The following DYNLT5 variants were observed in gnomAD, a reference collection of about 807,000 sequenced individuals.
DYNLT5 encodes dynein light chain Tctex-type family member 5, also known as dynein light chain Tctex-type 5.
In DYNLT5, 25 loss-of-function variants were observed where a neutral mutation model predicts 19.3. That is an observed-to-expected ratio of 1.30 (90% CI 0.95 to 1.81). DYNLT5 has a LOEUF of 1.81. Among genes scored for constraint, DYNLT5 ranks in the 40% most tolerant of loss-of-function variants. The pLI is 0.00. For missense variants in DYNLT5, 232 were observed against 217.9 expected (o/e 1.06, Z -0.41); for synonymous variants, 82 against 68.9 (o/e 1.19, Z -0.94).
intron 2 of DYNLT5, among the ~76,000 whole-genome samples, chr1:66,759,941 C>G (rs1416529285): frequency 6.6e-6 from 1 of 152,146 alleles, no homozygotes; most frequent in Non-Finnish European, 1.5e-5. Flanking sequence ...CTACTTGTCT[C>G]TATGCATTTT....
chr1:66,754,153 A>G (rs1395480546), intron 1 of DYNLT5, among the ~76,000 whole-genome samples: 1 of 144,474 alleles, frequency 6.9e-6, no homozygotes, highest in African/African-American at 2.6e-5. Context: ...GTTGGGAGGA[A>G]CGCTTGAGCC....
chr1:66,770,433 G>C lies in DYNLT5; in HGVS notation c.166G>C (p.Asp56His), dbSNP rs1284817962. 6.2e-7 allele frequency: 1 copy of C among 1,613,576 alleles called. No individual in the cohort carries two copies. Among genetic ancestry groups the C allele is most frequent in the Non-Finnish European group, 8.5e-7 (1 of 1,179,690 alleles). ...TATGGAAGAACCCAGTCAGCGTGAT[G>C]ATATCTCTCGCCTTACAGTTCAGAT... ...SYMEEPSQRD[D>H]ISRLTVQMEN... Residue 56 changes from aspartate to histidine, a missense_variant, in exon 3 of 5, where the codon GAT (aspartate) becomes CAT (histidine). Asp to His is a moderately conservative substitution (Grantham distance 81). Transcript: ENST00000282670.
Position 66,778,825 on chromosome 1 carries a change from A to G in DYNLT5, c.*1371A>G, listed in dbSNP as rs1645253120. 6.6e-6 allele frequency: 1 copy of G among 151,878 alleles called. No individual in the cohort carries two copies. The highest frequency in any genetic ancestry group is 1.5e-5 in the Non-Finnish European group (1 of 67,986). 9.4% of individuals were successfully genotyped at this position (151,878 alleles called of 1,614,324 possible). A position where few individuals can be genotyped will look rare whatever the true frequency, so the allele number is the denominator to read the frequency against. The stretch of plus-strand genomic sequence containing the variant: ...TTCACTTTTTTTTTTCTGTTAGTGC[A>G]TTAGTGGGAATATGTCTATGTAATA... On this transcript the variant is annotated 3_prime_UTR_variant, in exon 5 of 5. Transcript: ENST00000282670.
intron 3 of DYNLT5, among the ~76,000 whole-genome samples, chr1:66,772,786 G>A (rs911096674): frequency 1.3e-5 from 2 of 152,084 alleles, no homozygotes; most frequent in East Asian, 1.9e-4. Context: ...GAATAGAAAA[G>A]GAAAGTGTGT....
At chr1:66,762,908 T>C (rs562726807) in intron 2 of DYNLT5, among the ~76,000 whole-genome samples, 13 of 152,300 alleles carry the variant, frequency 8.5e-5, no homozygotes, top group South Asian at 8.3e-4. Flanking sequence ...TTTGAGGCAA[T>C]GGATATCCCA....
In DYNLT5 at chr1:66,777,572, A is replaced by C. The variant is rs1032102279; in HGVS notation, c.*118A>C. 1.8e-5 allele frequency: 15 copies of C among 815,262 alleles called. No individual in the cohort carries two copies. In the Admixed American group the frequency reaches 4.0e-4, roughly 22 times the overall value. 50.5% of individuals were successfully genotyped at this position (815,262 alleles called of 1,614,324 possible). On this transcript the variant is annotated 3_prime_UTR_variant, in exon 5 of 5. Coordinates refer to ENST00000282670, the MANE Select transcript of DYNLT5 (RefSeq NM_152665.3). Reference sequence around the variant, plus strand: ...AGAAACAACACTGATATTTCAAGCAACTGGAAGCTTTTGAATTTTTTCATA... The same window carrying C: ...AGAAACAACACTGATATTTCAAGCACCTGGAAGCTTTTGAATTTTTTCATA...
intron 2 of DYNLT5, among the ~76,000 whole-genome samples, chr1:66,761,184 C>T (rs970189011): frequency 1.3e-5 from 2 of 152,052 alleles, no homozygotes; most frequent in African/African-American, 4.8e-5. Context: ...ATTTCCAGAC[C>T]ATTGCAATAA....
chr1:66,765,962 C>T (rs569517729), intron 2 of DYNLT5, among the ~76,000 whole-genome samples: 1 of 152,316 alleles, frequency 6.6e-6, no homozygotes, highest in East Asian at 1.9e-4. Flanking sequence ...AGCAATAGCA[C>T]ATGTGGTTTC....
chr1:66,761,544 G>A (rs764643751), intron 2 of DYNLT5, among the ~76,000 whole-genome samples: 1 of 152,128 alleles, frequency 6.6e-6, no homozygotes, highest in Non-Finnish European at 1.5e-5. Flanking sequence ...AACACTTTGG[G>A]GAGCCAAGGC....
At chr1:66,763,814 T>C (rs1207106748) in intron 2 of DYNLT5, among the ~76,000 whole-genome samples, 1 of 152,194 alleles carries the variant, frequency 6.6e-6, no homozygotes, top group African/African-American at 2.4e-5. Flanking sequence ...CCACTAAAAC[T>C]TTCTCCAAAT....
intron 2 of DYNLT5, among the ~76,000 whole-genome samples, chr1:66,757,494 T>C (rs2094638339): frequency 6.6e-6 from 1 of 152,184 alleles, no homozygotes; most frequent in South Asian, 2.1e-4. Context: ...TAACTGTTAG[T>C]GTGTTGGCAT....
intron 4 of DYNLT5, among the ~76,000 whole-genome samples, chr1:66,777,000 C>T (rs1374585169): frequency 6.6e-6 from 1 of 152,090 alleles, no homozygotes; most frequent in Non-Finnish European, 1.5e-5. Flanking sequence ...ATTCTGTGTT[C>T]TGGATTATAA....
rs61782760 is a variant in DYNLT5 at position 66,762,358 on chromosome 1, A to G, written c.119+7581A>G. 5.5e-3 allele frequency among the ~76,000 whole-genome samples: 831 copies of G among 152,282 alleles called. 1 individual carries two copies. The highest frequency in any genetic ancestry group is 9.5e-3 in the Non-Finnish European group (649 of 68,012). ...TTGAATCTATGTATTATTTTCATCTATGGTCACCCTACAGTGGTAAAAACA... is the reference window on the plus strand; with the variant it reads ...TTGAATCTATGTATTATTTTCATCTGTGGTCACCCTACAGTGGTAAAAACA... On this transcript the variant is annotated intron_variant, in intron 2 of 4. Transcript: ENST00000282670.
intron 2 of DYNLT5, among the ~76,000 whole-genome samples, chr1:66,758,966 G>A (rs115922556): frequency 0.034 from 5,147 of 152,192 alleles, 284 homozygotes; most frequent in African/African-American, 0.12. Context: ...CACCATGTAT[G>A]TTAAACTAAA....
rs779335794 is a variant in DYNLT5 at position 66,770,388 on chromosome 1, T to C, written c.121T>C (p.Ser41Pro). Residue 41 changes from serine to proline, a missense_variant and splice_region_variant, in exon 3 of 5, where the codon TCT becomes CCT. Ser to Pro is a moderately conservative substitution (Grantham distance 74, BLOSUM62 -1). Transcript: ENST00000282670. The part of the protein sequence containing the change: ...RKEIHGRIKD[S>P]MSTVSYMEEP... ...ATTTGTTTTCTCCCTTGTTTTTAGTTCTATGAGTACTGTGTCTTATATGGA... is the reference window on the plus strand; with the variant it reads ...ATTTGTTTTCTCCCTTGTTTTTAGTCCTATGAGTACTGTGTCTTATATGGA... 6.2e-7 allele frequency: 1 copy of C among 1,607,994 alleles called. No individual in the cohort carries two copies. The highest frequency in any genetic ancestry group is 8.5e-7 in the Non-Finnish European group (1 of 1,175,662).
intron 2 of DYNLT5, among the ~76,000 whole-genome samples, chr1:66,759,639 C>G (rs773596347): frequency 6.6e-6 from 1 of 152,138 alleles, no homozygotes; most frequent in Non-Finnish European, 1.5e-5. Flanking sequence ...TGCTAAAACT[C>G]ACTTTCAAGC....
Position 66,778,803 on chromosome 1 carries a change from A to G in DYNLT5, c.*1349A>G. The G allele has an allele frequency of 8.1e-6, 1 of 123,840 alleles. No homozygotes were observed. Among genetic ancestry groups the G allele is most frequent in the South Asian group, 2.4e-4 (1 of 4,132 alleles). The allele number at this position is 123,840 out of a possible 1,614,324, so 7.7% of individuals were successfully genotyped here. ...ATTCAAAATGAATTTGTCAATTTTC[A>G]CTTTTTTTTTTCTGTTAGTGCATTA... On this transcript the variant is annotated 3_prime_UTR_variant, in exon 5 of 5. Transcript: ENST00000282670.
chr1:66,762,820 C>T (rs545710331), intron 2 of DYNLT5, among the ~76,000 whole-genome samples: 7 of 152,080 alleles, frequency 4.6e-5, no homozygotes, highest in Middle Eastern at 3.4e-3. Context: ...TTATATATTT[C>T]GAAATAGCTA....
At chr1:66,753,931 CA>C (rs1328987228) in intron 1 of DYNLT5, among the ~76,000 whole-genome samples, 1 of 151,800 alleles carries the variant, frequency 6.6e-6, no homozygotes, top group East Asian at 1.9e-4. Flanking sequence ...GCCTGGGTAA[CA>C]AGAGCTAGAT....
Sources: allele counts gnomAD v4.1 joint callset (sites outside exome capture counted in the v4.1 genomes callset), GRCh38; gene constraint gnomAD v4.1.1; transcripts MANE v1.5; gene names NCBI Gene and HGNC (gene_info 2026-07-23, HGNC 2026-07-21).